Variants in RASAL2 observed in about 807,000 individuals in gnomAD.
RASAL2 encodes the protein ras GTPase-activating protein nGAP.
In RASAL2, 58 loss-of-function variants were observed where a neutral mutation model predicts 128.9. That is an observed-to-expected ratio of 0.45 (90% CI 0.36 to 0.56). The LOEUF (loss-of-function observed/expected upper bound fraction) is 0.56. RASAL2 is among the 20% of genes least tolerant of loss of function. The probability of loss-of-function intolerance (pLI) is 0.00; values close to 1 mark genes in which losing one functional copy is unlikely to be tolerated. For synonymous variants in RASAL2, 561 were observed against 580.8 expected (o/e 0.97, Z 0.49); for missense variants, 1,360 against 1,601.6 (o/e 0.85, Z 2.57).
At chr1:178,273,297 T>C (rs1185153086) in intron 1 of RASAL2, among the ~76,000 whole-genome samples, 4 of 152,250 alleles carry the variant, frequency 2.6e-5, no homozygotes, top group Non-Finnish European at 5.9e-5. Flanking sequence ...ATATGTCCTC[T>C]TGTACTGTGT....
At chr1:178,302,780 G>A (rs999557690) in intron 3 of RASAL2, among the ~76,000 whole-genome samples, 6 of 152,162 alleles carry the variant, frequency 3.9e-5, no homozygotes, top group Admixed American at 2.6e-4. Flanking sequence ...AGTGGTTCAC[G>A]CCTATAATCC....
chr1:178,439,993 C>A (rs1676519765), intron 6 of RASAL2, among the ~76,000 whole-genome samples: 1 of 149,912 alleles, frequency 6.7e-6, no homozygotes, highest in Non-Finnish European at 1.5e-5. Flanking sequence ...ATCCATCCAT[C>A]CATCCATCCA....
rs1256512133 is a variant in RASAL2 at position 178,439,520 on chromosome 1, C to T, written c.773C>T (p.Pro258Leu). 4 of 1,612,766 alleles carry T rather than the reference C, an allele frequency of 2.5e-6. No homozygotes were observed. The South Asian group carries it at 3.3e-5, about 13-fold the overall frequency. Reference sequence around the variant, plus strand: ...TGTCTGGATCTTGGTAGAGGGGAACCTGTATCAGTGAAACCACTTCATAGT... The same window carrying T: ...TGTCTGGATCTTGGTAGAGGGGAACTTGTATCAGTGAAACCACTTCATAGT... Reference protein sequence around the residue: ...VECLDLGRGEPVSVKPLHSSI... With the variant: ...VECLDLGRGELVSVKPLHSSI... The change falls in exon 6 of 18, where the codon CCT (proline) becomes CTT (leucine). Residue 258 changes from proline to leucine, a missense_variant. Physicochemically the swap from Pro to Leu is moderately conservative, Grantham distance 98. Transcript: ENST00000367649.
intron 3 of RASAL2, among the ~76,000 whole-genome samples, chr1:178,340,620 C>T (rs1455572034): frequency 6.6e-6 from 1 of 152,090 alleles, no homozygotes; most frequent in Non-Finnish European, 1.5e-5. Flanking sequence ...ATGAAGTTCT[C>T]AGTTTTAATC....
intron 5 of RASAL2, among the ~76,000 whole-genome samples, chr1:178,437,810 G>A (rs1676353176): frequency 6.6e-6 from 1 of 151,966 alleles, no homozygotes; most frequent in African/African-American, 2.4e-5. Context: ...TATATTTGCA[G>A]TACATAACAT....
chr1:178,317,557 T>C (rs1156953757), intron 3 of RASAL2, among the ~76,000 whole-genome samples: 1 of 150,306 alleles, frequency 6.7e-6, no homozygotes, highest in Non-Finnish European at 1.5e-5. Flanking sequence ...CCATTTCTTC[T>C]AGATTTTCTA....
intron 1 of RASAL2, among the ~76,000 whole-genome samples, chr1:178,195,267 C>A (rs898791385): frequency 5.9e-5 from 9 of 152,134 alleles, no homozygotes; most frequent in African/African-American, 2.2e-4. Context: ...TTCTAATTTG[C>A]CAGCAGTCAA....
At chr1:178,131,845 A>C (rs1409240939) in intron 1 of RASAL2, among the ~76,000 whole-genome samples, 1 of 152,154 alleles carries the variant, frequency 6.6e-6, no homozygotes, top group African/African-American at 2.4e-5. Context: ...TATTAACTTG[A>C]CATGTTTATA....
chr1:178,267,126 T>C (rs1038969770), intron 1 of RASAL2, among the ~76,000 whole-genome samples: 3 of 152,180 alleles, frequency 2.0e-5, no homozygotes, highest in Non-Finnish European at 4.4e-5. Flanking sequence ...TCCTACCACA[T>C]TTTTGTCAGT....
At chr1:178,468,327 C>A (rs371645060) in intron 17 of RASAL2, among the ~76,000 whole-genome samples, 2 of 152,258 alleles carry the variant, frequency 1.3e-5, no homozygotes, top group East Asian at 3.9e-4. Context: ...ATATCATATC[C>A]CTAAGCTGTG....
chr1:178,314,111 A>G (rs903696885), intron 3 of RASAL2, among the ~76,000 whole-genome samples: 1 of 152,196 alleles, frequency 6.6e-6, no homozygotes, highest in African/African-American at 2.4e-5. Flanking sequence ...TCTGCCGATG[A>G]ATTCAAAACC....
chr1:178,164,823 TTGTGTGTGTGTGTGTGTGTG>T (rs200932615), intron 1 of RASAL2, among the ~76,000 whole-genome samples: 1 of 131,900 alleles, frequency 7.6e-6, no homozygotes. Flanking sequence ...CATCAAACGT[TTGTGTGTGTGTGTGTGTGTG>T]TGTGTGTGTG....
In RASAL2 at chr1:178,466,012, G is replaced by A; in HGVS notation, c.3480G>A (p.Gln1160=). Residue 1160 remains glutamine (Q), a synonymous_variant, in exon 16 of 18, where the codon CAG becomes CAA. Coordinates refer to ENST00000367649, the MANE Select transcript of RASAL2 (RefSeq NM_170692.4). ...EYERRLLVQE[Q]QMQKLLLEYK... ...AACGCCGCTTGCTGGTGCAGGAGCA[G>A]CAGATGCAGAAGCTGCTGCTGGAAT... is the stretch of plus-strand genomic sequence containing the variant. 6.4e-7 allele frequency: 1 copy of A among 1,568,920 alleles called. No individual in the cohort carries two copies. The highest frequency in any genetic ancestry group is 8.7e-7 in the Non-Finnish European group (1 of 1,155,652).
chr1:178,394,014 TAAAG>T lies in RASAL2; in HGVS notation c.564+3810_564+3813del, dbSNP rs538804401. Among the ~76,000 whole-genome samples the T allele has an allele frequency of 2.1e-4, 32 of 152,340 alleles. No individual in the cohort carries two copies. In the South Asian group the frequency reaches 2.5e-3, roughly 12 times the overall value. On this transcript the variant is annotated intron_variant, in intron 4 of 17. Transcript: ENST00000367649. ...AGCAGAATGGATGGATTTTTTTCCTTAAAGAGAGATTTTAATTAATATTTGAAAT... is the reference window on the plus strand; with the variant it reads ...AGCAGAATGGATGGATTTTTTTCCTTAGAGATTTTAATTAATATTTGAAAT...
At chr1:178,095,430 C>T (rs1349488035) in intron 1 of RASAL2, among the ~76,000 whole-genome samples, 1 of 152,188 alleles carries the variant, frequency 6.6e-6, no homozygotes, top group Non-Finnish European at 1.5e-5. Context: ...AAACTCATAG[C>T]TTAAGGATTT....
intron 1 of RASAL2, among the ~76,000 whole-genome samples, chr1:178,140,228 T>C (rs908326192): frequency 2.0e-5 from 3 of 152,166 alleles, no homozygotes. Context: ...ACAGAAAAAT[T>C]GTGCAGAAAA....
At chr1:178,464,472 T>G (rs1647434848) in intron 15 of RASAL2, 60 bp downstream of exon 15, 27 of 1,587,652 alleles carry the variant, frequency 1.7e-5, no homozygotes, top group Non-Finnish European at 2.3e-5. Flanking sequence ...ACTAAAAAGG[T>G]TATCTAGCTA....
chr1:178,140,785 G>A (rs1033353509), intron 1 of RASAL2, among the ~76,000 whole-genome samples: 2 of 152,162 alleles, frequency 1.3e-5, no homozygotes, highest in African/African-American at 4.8e-5. Flanking sequence ...TGTTTTACTT[G>A]AAAAGCAAAA....
At chr1:178,368,913 A>G (rs1211252179) in intron 3 of RASAL2, among the ~76,000 whole-genome samples, 1 of 152,130 alleles carries the variant, frequency 6.6e-6, no homozygotes, top group Non-Finnish European at 1.5e-5. Flanking sequence ...ATGAACCACC[A>G]TGCCTAACCT....
Sources: gnomAD v4.1 joint callset for allele counts (sites outside exome capture counted in the v4.1 genomes callset) on GRCh38, gnomAD v4.1.1 for gene constraint, MANE v1.5 for transcripts, NCBI Gene and HGNC (gene_info 2026-07-23, HGNC 2026-07-21) for gene names.